NCALD: variants seen among roughly 807,000 people sequenced by gnomAD.
The protein encoded by NCALD is neurocalcin delta, also known as neurocalcin-delta.
In NCALD, 10 loss-of-function variants were observed where a neutral mutation model predicts 18.6. The observed-to-expected ratio is 0.54, with a 90% CI of 0.33 to 0.91. NCALD has a LOEUF of 0.91. Among genes scored for constraint, NCALD ranks in the 40% least tolerant of loss-of-function variants. The probability of loss-of-function intolerance (pLI) is 0.03; values close to 1 mark genes in which losing one functional copy is unlikely to be tolerated. For missense variants in NCALD, 184 were observed against 247.6 expected, an observed-to-expected ratio of 0.74 and a Z score of 1.72; for synonymous variants, 88 against 87.4, an observed-to-expected ratio of 1.01 and a Z score of -0.04.
intron 4 of NCALD, among the ~76,000 whole-genome samples, chr8:101,800,745 A>C (rs1812807793): frequency 6.7e-6 from 1 of 150,276 alleles, no homozygotes; most frequent in Non-Finnish European, 1.5e-5. Flanking sequence ...ATCAATACAT[A>C]ATACTTTATA....
chr8:101,866,218 A>G (rs1319973309), intron 4 of NCALD, among the ~76,000 whole-genome samples: 1 of 152,188 alleles, frequency 6.6e-6, no homozygotes, highest in Non-Finnish European at 1.5e-5. Context: ...TACCTTCACA[A>G]AATGATTTCT....
intron 2 of NCALD, among the ~76,000 whole-genome samples, chr8:102,012,225 C>G (rs1282894143): frequency 2.0e-5 from 3 of 152,178 alleles, no homozygotes; most frequent in Admixed American, 2.0e-4. Flanking sequence ...ACCAGCTTGG[C>G]AGGAACAAGC....
intron 2 of NCALD, among the ~76,000 whole-genome samples, chr8:102,016,073 T>A (rs1445340580): frequency 6.6e-6 from 1 of 152,070 alleles, no homozygotes; most frequent in East Asian, 1.9e-4. Context: ...CCAAAACATC[T>A]TCCTAGCCCC....
intron 4 of NCALD, among the ~76,000 whole-genome samples, chr8:101,842,264 TGGA>T (rs1203237905): frequency 6.6e-6 from 1 of 152,118 alleles, no homozygotes; most frequent in Non-Finnish European, 1.5e-5. Flanking sequence ...GCTGAGGCTT[TGGA>T]GGTTAGGACT....
chr8:101,864,389 G>A (rs1265263389), intron 4 of NCALD, among the ~76,000 whole-genome samples: 1 of 152,206 alleles, frequency 6.6e-6, no homozygotes, highest in African/African-American at 2.4e-5. Context: ...GCTGATGAGA[G>A]CTGGTGGGAT....
intron 1 of NCALD, among the ~76,000 whole-genome samples, chr8:101,733,995 C>A (rs12545512): frequency 4.6e-5 from 7 of 152,190 alleles, no homozygotes; most frequent in African/African-American, 1.7e-4. Flanking sequence ...CCACGAGCCC[C>A]GCTTGAGTGT....
chr8:101,985,438 G>C (rs1442908084), intron 2 of NCALD, among the ~76,000 whole-genome samples: 8 of 152,214 alleles, frequency 5.3e-5, no homozygotes, highest in Admixed American at 5.2e-4. Context: ...TGCAGCCATA[G>C]ACAGCCCAAA....
intron 1 of NCALD, among the ~76,000 whole-genome samples, chr8:102,073,431 TATAGAG>T (rs1215212545): frequency 3.3e-5 from 5 of 152,282 alleles, no homozygotes; most frequent in East Asian, 1.9e-4. Context: ...ATGATGAGAA[TATAGAG>T]ATAGAGAGAT....
intron 4 of NCALD, among the ~76,000 whole-genome samples, chr8:101,813,929 A>G (rs1813401801): frequency 6.6e-6 from 1 of 152,172 alleles, no homozygotes; most frequent in African/African-American, 2.4e-5. Context: ...TAATCTGGTG[A>G]TTATACTCGG....
At chr8:102,040,479 A>AAAG (rs1823012709) in intron 1 of NCALD, among the ~76,000 whole-genome samples, 1 of 150,750 alleles carries the variant, frequency 6.6e-6, no homozygotes, top group Admixed American at 6.6e-5. Flanking sequence ...ATCAAAAAAA[A>AAAG]AAAAGAAAAG....
intron 1 of NCALD, among the ~76,000 whole-genome samples, chr8:101,751,653 G>T (rs1401546380): frequency 6.6e-6 from 1 of 152,174 alleles, no homozygotes; most frequent in Non-Finnish European, 1.5e-5. Context: ...CACTGGGGCA[G>T]AACTTTCCTC....
intron 2 of NCALD, among the ~76,000 whole-genome samples, chr8:101,716,427 C>T (rs1016407095): frequency 6.6e-6 from 1 of 151,964 alleles, no homozygotes; most frequent in African/African-American, 2.4e-5. Context: ...ATGTAACAAA[C>T]CTGCACATTC....
chr8:102,001,419 T>C (rs1411927644), intron 2 of NCALD, among the ~76,000 whole-genome samples: 1 of 152,204 alleles, frequency 6.6e-6, no homozygotes, highest in Non-Finnish European at 1.5e-5. Flanking sequence ...CTGAAAGTGA[T>C]GGGGAGAATG....
chr8:101,971,434 C>T (rs1820237886), intron 2 of NCALD, among the ~76,000 whole-genome samples: 2 of 151,950 alleles, frequency 1.3e-5, no homozygotes, highest in South Asian at 4.2e-4. Context: ...GGCAGTTTCC[C>T]CCATTCTGTT....
At chr8:101,916,056 A>T (rs558908823) in intron 2 of NCALD, among the ~76,000 whole-genome samples, 129 of 152,062 alleles carry the variant, frequency 8.5e-4, no homozygotes, top group African/African-American at 3.0e-3. Context: ...AGCAAAATGG[A>T]CTCCCTGAGA....
intron 2 of NCALD, among the ~76,000 whole-genome samples, chr8:101,940,471 C>T (rs1436652027): frequency 6.6e-6 from 1 of 152,196 alleles, no homozygotes; most frequent in Non-Finnish European, 1.5e-5. Flanking sequence ...CAACTGATGA[C>T]ACCAACAGGT....
chr8:101,692,710 G>C lies in NCALD; in HGVS notation c.484+81C>G, dbSNP rs532589105. On this transcript the variant is annotated intron_variant, in intron 3 of 3. Coordinates refer to ENST00000220931, the MANE Select transcript of NCALD (RefSeq NM_032041.3). The stretch of plus-strand genomic sequence containing the variant: ...TGAGCCGCTCACATTGAAGGGCCTC[G>C]AGTGGCACTTCCCAGTCTGGACTCT... 7.6e-6 allele frequency: 11 copies of C among 1,453,066 alleles called. No individual in the cohort carries two copies. The African/African-American group carries it at 1.3e-4, about 17-fold the overall frequency. 90.0% of individuals were successfully genotyped at this position (1,453,066 alleles called of 1,614,324 possible).
chr8:102,009,182 A>G (rs1821819994), intron 2 of NCALD, among the ~76,000 whole-genome samples: 2 of 152,232 alleles, frequency 1.3e-5, no homozygotes, highest in African/African-American at 4.8e-5. Flanking sequence ...GAAATTAATG[A>G]CTTAGACAAT....
Position 101,902,625 on chromosome 8 carries a change from C to T in NCALD, c.-107+13184G>A, listed in dbSNP as rs145732327. Among the ~76,000 whole-genome samples the T allele has an allele frequency of 2.6e-5, 4 of 152,346 alleles. No individual in the cohort carries two copies. The East Asian group carries it at 5.8e-4, about 22-fold the overall frequency. ...GTTGCAGCATTAAGCTGTAGCTTATCAGAGTGCTGCAGAGCTTTCCTCCTC... is the reference window on the plus strand; with the variant it reads ...GTTGCAGCATTAAGCTGTAGCTTATTAGAGTGCTGCAGAGCTTTCCTCCTC... On this transcript the variant is annotated intron_variant, in intron 3 of 6. Transcript: ENST00000311028.
Sources: gnomAD v4.1 joint callset for allele counts (sites outside exome capture counted in the v4.1 genomes callset) on GRCh38, gnomAD v4.1.1 for gene constraint, MANE v1.5 for transcripts, NCBI Gene and HGNC (gene_info 2026-07-23, HGNC 2026-07-21) for gene names.